CEMP1: variants seen among roughly 807,000 people sequenced by gnomAD.
CEMP1 encodes the protein cementoblastoma-derived protein 1.
For missense variants in CEMP1, 387 were observed against 316.9 expected, an observed-to-expected ratio of 1.22 and a Z score of -1.68; for synonymous variants, 161 against 128.6, an observed-to-expected ratio of 1.25 and a Z score of -1.71.
At chr16:2,530,850 A>AC (rs1567135251) in intron 1 of CEMP1, 18 of 1,613,380 alleles carry the variant, frequency 1.1e-5, no homozygotes, top group Non-Finnish European at 1.5e-5. Flanking sequence ...GTGGATCCTG[A>AC]CCTCCTGAGA....
chr16:2,530,740 C>G lies in CEMP1; in HGVS notation c.334G>C (p.Gly112Arg). 6.2e-7 allele frequency: 1 copy of G among 1,613,852 alleles called. No homozygotes were observed. The highest frequency in any genetic ancestry group is 8.5e-7 in the Non-Finnish European group (1 of 1,179,992). The change falls in exon 1 of 1, where the codon GGC (glycine) becomes CGC (arginine). Residue 112 changes from glycine (G) to arginine (R), a missense_variant. Transcript: ENST00000567119. Reference sequence around the variant, plus strand: ...GAACAGCCAGGGAAGAACCACCTGCCTGGGCAGGGCCTCGCCTGAGGGAGG... The same window carrying G: ...GAACAGCCAGGGAAGAACCACCTGCGTGGGCAGGGCCTCGCCTGAGGGAGG... ...QALPQARPCP[G>R]RWFFPGCSLP...
Position 2,530,570 on chromosome 16 carries a change from C to T in CEMP1, c.504G>A (p.Gly168=), listed in dbSNP as rs755940364. Residue 168 remains glycine, a synonymous_variant, in exon 1 of 1, where the codon GGG becomes GGA. Transcript: ENST00000567119. ...AGTTCTGGGGTGGGTGGCTCCCTTC[C>T]CCCTTGCTTACAGGTGCTGTCCTGG... ...PVPRTAPVSK[G]EGSHPPQNSN... is the part of the protein sequence containing the mutation. 34 of 1,614,082 alleles carry T rather than the reference C, an allele frequency of 2.1e-5. No homozygotes were observed. Among genetic ancestry groups the T allele is most frequent in the Non-Finnish European group, 2.9e-5 (34 of 1,180,036 alleles).
Position 2,531,014 on chromosome 16 carries a change from G to A in CEMP1, c.60C>T (p.Asn20=). 6.2e-7 allele frequency: 1 copy of A among 1,607,438 alleles called. No individual in the cohort carries two copies. The highest frequency in any genetic ancestry group is 8.5e-7 in the Non-Finnish European group (1 of 1,175,078). ...GGCAGGTGAGGTTCTCAGCCGATGT[G>A]TTAGAGGTTGAGCATCGCCTGTGCC... ...QAGHRRCSTS[N]TSAENLTCLS... Residue 20 remains asparagine (N), a synonymous_variant, in exon 1 of 1, where the codon AAC becomes AAT. Coordinates refer to ENST00000567119, the MANE Select transcript of CEMP1 (RefSeq NM_001048212.3).
chr16:2,531,033 C>A lies in CEMP1; in HGVS notation c.41G>T (p.Arg14Met), dbSNP rs1281076599. 6.3e-7 allele frequency: 1 copy of A among 1,599,326 alleles called. No individual in the cohort carries two copies. Among genetic ancestry groups the A allele is most frequent in the Admixed American group, 1.7e-5 (1 of 59,664 alleles). Residue 14 changes from arginine (R) to methionine (M), a missense_variant, in exon 1 of 1, where the codon AGG becomes ATG. By Grantham distance (91) the Arg-to-Met change is moderately conservative (BLOSUM62 -1). Transcript: ENST00000567119. Reference sequence around the variant, plus strand: ...CGATGTGTTAGAGGTTGAGCATCGCCTGTGCCCAGCTTGCTGGCTGTCAGT... The same window carrying A: ...CGATGTGTTAGAGGTTGAGCATCGCATGTGCCCAGCTTGCTGGCTGTCAGT... ...SSTDSQQAGH[R>M]RCSTSNTSAE... is the part of the protein sequence containing the mutation.
chr16:2,531,215 G>C lies in CEMP1; in HGVS notation c.-142C>G. 9.1e-7 allele frequency: 1 copy of C among 1,094,302 alleles called. No homozygotes were observed. The highest frequency in any genetic ancestry group is 1.6e-5 in the South Asian group (1 of 62,184). 67.8% of individuals were successfully genotyped at this position (1,094,302 alleles called of 1,614,324 possible). A position where few individuals can be genotyped will look rare whatever the true frequency, so the allele number is the denominator to read the frequency against. ...CAGCGCCCCACCTCCCTGGCTGGAG[G>C]GTCGGGGAGGGGCTGGCAGAGATGG... On this transcript the variant is annotated 5_prime_UTR_variant, in exon 1 of 1. Coordinates refer to ENST00000567119, the MANE Select transcript of CEMP1 (RefSeq NM_001048212.3).
chr16:2,530,905 A>T lies in CEMP1; in HGVS notation c.169T>A (p.Cys57Ser). 6.2e-7 allele frequency: 1 copy of T among 1,613,314 alleles called. No homozygotes were observed. Among genetic ancestry groups the T allele is most frequent in the South Asian group, 1.1e-5 (1 of 91,076 alleles). ...AGAGQPLPKG[C>S]AAVKAEVGIP... ...CCCACCTCTGCCTTGACGGCCGCGC[A>T]CCCCTTAGGAAGTGGCTGTCCAGCG... is the stretch of plus-strand genomic sequence containing the variant. The change falls in exon 1 of 1, where the codon TGC becomes AGC. Residue 57 changes from cysteine to serine, a missense_variant. By Grantham distance (112) the Cys-to-Ser change is moderately radical. Coordinates refer to ENST00000567119, the MANE Select transcript of CEMP1 (RefSeq NM_001048212.3).
At position 2,531,240 on chromosome 16, in the gene CEMP1, G is replaced by A; in HGVS notation, c.-167C>T. The A allele has an allele frequency of 1.1e-6, 1 of 880,198 alleles. No individual in the cohort carries two copies. Among genetic ancestry groups the A allele is most frequent in the African/African-American group, 1.7e-5 (1 of 58,542 alleles). The allele number at this position is 880,198 out of a possible 1,614,324, so 54.5% of individuals were successfully genotyped here. A position where few individuals can be genotyped will look rare whatever the true frequency, so the allele number is the denominator to read the frequency against. Reference sequence around the variant, plus strand: ...GGTCGGGGAGGGGCTGGCAGAGATGGTTGGTCCACAGGGCTAGCCCTGGGT... The same window carrying A: ...GGTCGGGGAGGGGCTGGCAGAGATGATTGGTCCACAGGGCTAGCCCTGGGT... On this transcript the variant is annotated 5_prime_UTR_variant, in exon 1 of 1. Coordinates refer to ENST00000567119, the MANE Select transcript of CEMP1 (RefSeq NM_001048212.3).
chr16:2,530,877 A>G lies in CEMP1; in HGVS notation c.197T>C (p.Ile66Thr). 2.5e-6 allele frequency: 4 copies of G among 1,613,528 alleles called. No individual in the cohort carries two copies. The highest frequency in any genetic ancestry group is 3.4e-6 in the Non-Finnish European group (4 of 1,179,976). Residue 66 changes from isoleucine (I) to threonine (T), a missense_variant, in exon 1 of 1, where the codon ATC becomes ACC. Transcript: ENST00000567119. Reference protein sequence around the residue: ...GCAAVKAEVGIPAPHTSQEVR... With the variant: ...GCAAVKAEVGTPAPHTSQEVR... Reference sequence around the variant, plus strand: ...CTCCTGAGAGGTGTGAGGTGCAGGGATACCCACCTCTGCCTTGACGGCCGC... The same window carrying G: ...CTCCTGAGAGGTGTGAGGTGCAGGGGTACCCACCTCTGCCTTGACGGCCGC...
rs1336891491 is a variant in CEMP1, at chr16:2,531,262, G to A, written c.-189C>T. On this transcript the variant is annotated 5_prime_UTR_variant, in exon 1 of 1. An upstream open reading frame in the 5' UTR gains an earlier in-frame stop. Transcript: ENST00000567119. ...ATGGTTGGTCCACAGGGCTAGCCCT[G>A]GGTGGTGGGAGAGGGGCCCAGGGTC... is the stretch of plus-strand genomic sequence containing the variant. 4 of 700,934 alleles carry A rather than the reference G, an allele frequency of 5.7e-6. No homozygotes were observed. Among genetic ancestry groups the A allele is most frequent in the Non-Finnish European group, 9.4e-6 (4 of 424,832 alleles). 43.4% of individuals were successfully genotyped at this position (700,934 alleles called of 1,614,324 possible).
In CEMP1 at chr16:2,530,549, C is replaced by T. The variant is rs772528025; in HGVS notation, c.525G>A (p.Gln175=). The change falls in exon 1 of 1, where the codon CAG becomes CAA. Residue 175 remains glutamine (Q), a synonymous_variant. Coordinates refer to ENST00000567119, the MANE Select transcript of CEMP1 (RefSeq NM_001048212.3). The part of the protein sequence containing the change: ...VSKGEGSHPP[Q]NSNGEKVKTI... Reference sequence around the variant, plus strand: ...TCTTGACTTTCTCTCCATTTGAGTTCTGGGGTGGGTGGCTCCCTTCCCCCT... The same window carrying T: ...TCTTGACTTTCTCTCCATTTGAGTTTTGGGGTGGGTGGCTCCCTTCCCCCT... 15 of 1,614,078 alleles carry T rather than the reference C, an allele frequency of 9.3e-6. No homozygotes were observed. The highest frequency in any genetic ancestry group is 1.6e-4 in the Middle Eastern group (1 of 6,082).
In CEMP1 at chr16:2,530,056, G is replaced by T; in HGVS notation, c.*274C>A. 2 of 837,904 alleles carry T rather than the reference G, an allele frequency of 2.4e-6. No homozygotes were observed. The highest frequency in any genetic ancestry group is 2.7e-5 in the East Asian group (1 of 37,022). 51.9% of individuals were successfully genotyped at this position (837,904 alleles called of 1,614,324 possible). A position where few individuals can be genotyped will look rare whatever the true frequency, so the allele number is the denominator to read the frequency against. On this transcript the variant is annotated 3_prime_UTR_variant, in exon 1 of 1. Transcript: ENST00000567119. Reference sequence around the variant, plus strand: ...AGTCAGGGGTTTGCTTTCTGCTCCTGAGTTGGGGTGTGCAGCGTGGAGCCC... The same window carrying T: ...AGTCAGGGGTTTGCTTTCTGCTCCTTAGTTGGGGTGTGCAGCGTGGAGCCC...
chr16:2,530,609 G>T lies in CEMP1; in HGVS notation c.465C>A (p.Arg155=), dbSNP rs780354370. The T allele has an allele frequency of 1.2e-6, 2 of 1,614,160 alleles. No homozygotes were observed. The highest frequency in any genetic ancestry group is 3.3e-5 in the Admixed American group (2 of 60,034). ...GTGCTGTCCTGGGCACAGGAGGTACGCGCCTGGCTCTGCCACTGTTCTCTT... is the reference window on the plus strand; with the variant it reads ...GTGCTGTCCTGGGCACAGGAGGTACTCGCCTGGCTCTGCCACTGTTCTCTT... The part of the protein sequence containing the change: ...QREENSGRAR[R]VPPVPRTAPV... Residue 155 remains arginine, a synonymous_variant, in exon 1 of 1, where the codon CGC becomes CGA. Transcript: ENST00000567119.
chr16:2,531,377 A>T lies in CEMP1; in HGVS notation c.-304T>A, dbSNP rs2066094785. ...CTTGGTTGGTTTTGGTTTGCTTTTT[A>T]AAAATTGTGGTAAAATACATAACAA... On this transcript the variant is annotated 5_prime_UTR_variant, in exon 1 of 1. Transcript: ENST00000567119. 2.0e-6 allele frequency: 1 copy of T among 504,572 alleles called. No individual in the cohort carries two copies. The highest frequency in any genetic ancestry group is 3.6e-6 in the Non-Finnish European group (1 of 276,486). The allele number at this position is 504,572 out of a possible 1,614,324, so 31.3% of individuals were successfully genotyped here.
In CEMP1 at chr16:2,530,251, C is replaced by A. The variant is rs777411976; in HGVS notation, c.*79G>T. Reference sequence around the variant, plus strand: ...TCAATAACCCTATCTCTTCACACATCCCCAGGCCCAGTGCTTGCCGGCTGT... The same window carrying A: ...TCAATAACCCTATCTCTTCACACATACCCAGGCCCAGTGCTTGCCGGCTGT... On this transcript the variant is annotated 3_prime_UTR_variant, in exon 1 of 1. Coordinates refer to ENST00000567119, the MANE Select transcript of CEMP1 (RefSeq NM_001048212.3). 3 of 1,606,420 alleles carry A rather than the reference C, an allele frequency of 1.9e-6. No individual in the cohort carries two copies. Among genetic ancestry groups the A allele is most frequent in the Admixed American group, 1.7e-5 (1 of 59,442 alleles).
chr16:2,530,676 CAA>C (rs2066079307), intron 1 of CEMP1: 2 of 1,614,132 alleles, frequency 1.2e-6, no homozygotes, highest in Non-Finnish European at 1.7e-6. Context: ...TCTCCAGGTC[CAA>C]AGAGATAGGA....
chr16:2,530,390 G>A lies in CEMP1; in HGVS notation c.684C>T (p.His228=), dbSNP rs773359799. Residue 228 remains histidine (H), a synonymous_variant, in exon 1 of 1, where the codon CAC becomes CAT. Coordinates refer to ENST00000567119, the MANE Select transcript of CEMP1 (RefSeq NM_001048212.3). ...CSGSLTARVC[H]MGVCQGQGDT... ...CCCCTTGGCCCTGGCACACACCCATGTGGCAAACACGGGCCGTGAGGCTCC... is the reference window on the plus strand; with the variant it reads ...CCCCTTGGCCCTGGCACACACCCATATGGCAAACACGGGCCGTGAGGCTCC... The A allele has an allele frequency of 1.2e-6, 2 of 1,614,214 alleles. No individual in the cohort carries two copies. Among genetic ancestry groups the A allele is most frequent in the Non-Finnish European group, 8.5e-7 (1 of 1,180,028 alleles).
chr16:2,530,378 G>T (rs1567134425), intron 1 of CEMP1: 2 of 1,614,154 alleles, frequency 1.2e-6, no homozygotes, highest in South Asian at 2.2e-5. Flanking sequence ...CTTGGCCCTG[G>T]CACACACCCA....
rs2066085627 is a variant in CEMP1 at position 2,530,927 on chromosome 16, AGCGCCTGCCTGTGCTG to A, written c.131_142+4del. 6.2e-7 allele frequency: 1 copy of A among 1,613,380 alleles called. No homozygotes were observed. On this transcript the variant is annotated splice_donor_variant and splice_donor_region_variant and coding_sequence_variant and intron_variant, in exon 1 of 2. Transcript: ENST00000565480. LOFTEE classifies it high-confidence loss of function. ...CGCACCCCTTAGGAAGTGGCTGTCCAGCGCCTGCCTGTGCTGGGCCTGGGAGAGGAGCTGTCTTGCC... is the reference window on the plus strand; with the variant it reads ...CGCACCCCTTAGGAAGTGGCTGTCCAGGCCTGGGAGAGGAGCTGTCTTGCC...
At position 2,531,405 on chromosome 16, in the gene CEMP1, G is replaced by T; in HGVS notation, c.-332C>A. 5 of 505,524 alleles carry T rather than the reference G, an allele frequency of 9.9e-6. No individual in the cohort carries two copies. Among genetic ancestry groups the T allele is most frequent in the East Asian group, 3.0e-5 (1 of 33,432 alleles). 31.3% of individuals were successfully genotyped at this position (505,524 alleles called of 1,614,324 possible). The stretch of plus-strand genomic sequence containing the variant: ...AATTGTGGTAAAATACATAACAAAA[G>T]TAACTATCGTAACCTGAGCAGTTCT... On this transcript the variant is annotated 5_prime_UTR_variant, in exon 1 of 1. Coordinates refer to ENST00000567119, the MANE Select transcript of CEMP1 (RefSeq NM_001048212.3).
Sources: allele counts gnomAD v4.1 joint callset, GRCh38; gene constraint gnomAD v4.1.1; transcripts MANE v1.5; gene names NCBI Gene and HGNC (gene_info 2026-07-23, HGNC 2026-07-21).